CYP4F22: variants seen among roughly 807,000 people sequenced by gnomAD.
CYP4F22 encodes the protein ultra-long-chain fatty acid omega-hydroxylase.
CYP4F22 carries 37 observed loss-of-function variants against 60.4 expected under a neutral mutation model. The observed-to-expected ratio is 0.61, with a 90% CI of 0.47 to 0.81. CYP4F22 has a LOEUF of 0.81. Ranked by LOEUF, CYP4F22 falls within the 30% of genes least tolerant of loss-of-function variation. CYP4F22 has a pLI of 0.00. For synonymous variants in CYP4F22, 258 were observed against 280.5 expected, an observed-to-expected ratio of 0.92 and a Z score of 0.80; for missense variants, 655 against 715.0, an observed-to-expected ratio of 0.92 and a Z score of 0.96.
Position 15,548,157 on chromosome 19 carries a change from C to T in CYP4F22, c.1186C>T (p.Leu396=), listed in dbSNP as rs145440178. ...TACAACTATGTGCATTAAGGAGAGC[C>T]TGCGCCAGTACCCACCTGTCACTCT... ...PFTTMCIKES[L]RQYPPVTLVS... Residue 396 remains leucine, a synonymous_variant, in exon 11 of 14, where the codon CTG becomes TTG. Coordinates refer to ENST00000269703, the MANE Select transcript of CYP4F22 (RefSeq NM_173483.4). 6.2e-7 allele frequency: 1 copy of T among 1,614,042 alleles called. No individual in the cohort carries two copies. Among genetic ancestry groups the T allele is most frequent in the Non-Finnish European group, 8.5e-7 (1 of 1,180,026 alleles).
At chr19:15,542,537 A>G (rs1342605909) in intron 8 of CYP4F22, among the ~76,000 whole-genome samples, 1 of 151,948 alleles carries the variant, frequency 6.6e-6, no homozygotes, top group African/African-American at 2.4e-5. Flanking sequence ...ACTCCATCTC[A>G]AAAAATTTTT....
At chr19:15,527,138 G>T (rs1001600448) in intron 3 of CYP4F22, among the ~76,000 whole-genome samples, 1 of 152,006 alleles carries the variant, frequency 6.6e-6, no homozygotes, top group Non-Finnish European at 1.5e-5. Flanking sequence ...CTCTACTGCT[G>T]GTCCATGGTC....
At chr19:15,523,048 G>A (rs1173397080) in intron 1 of CYP4F22, among the ~76,000 whole-genome samples, 9 of 151,150 alleles carry the variant, frequency 6.0e-5, no homozygotes, top group Admixed American at 1.3e-4. Context: ...GTGGTTTGGC[G>A]TTGGCTGGCA....
Position 15,537,362 on chromosome 19 carries a change from T to C in CYP4F22, c.369T>C (p.Ala123=). Residue 123 remains alanine, a splice_region_variant and synonymous_variant, in exon 5 of 14, where the codon GCT becomes GCC. Coordinates refer to ENST00000269703, the MANE Select transcript of CYP4F22 (RefSeq NM_173483.4). The part of the protein sequence containing the change: ...DYIKPLLGAS[A]AIAPKDDLFY... ...CCATTTTCCCTTTGCCCTCCACAGC[T>C]GCCATCGCCCCCAAGGATGACCTCT... 6.2e-7 allele frequency: 1 copy of C among 1,614,122 alleles called. No individual in the cohort carries two copies. The highest frequency in any genetic ancestry group is 8.5e-7 in the Non-Finnish European group (1 of 1,180,018).
At position 15,529,794 on chromosome 19, in the gene CYP4F22, T is replaced by A; in HGVS notation, c.308T>A (p.Val103Asp). ...HHVLLVWMGP[V>D]LPLLVLVHPD... ...GTACTCTTGGTATGGATGGGACCTG[T>A]CCTGCCGCTGTTGGTTCTGGTGCAC... is the stretch of plus-strand genomic sequence containing the variant. Residue 103 changes from valine to aspartate, a missense_variant, in exon 4 of 14, where the codon GTC becomes GAC. Physicochemically the swap from Val to Asp is radical, Grantham distance 152. This residue lies in a region of CYP4F22 where 430 missense variants were observed against 457.1 expected (regional missense o/e 0.94). Transcript: ENST00000269703. 6.2e-7 allele frequency: 1 copy of A among 1,614,166 alleles called. No homozygotes were observed. Among genetic ancestry groups the A allele is most frequent in the Admixed American group, 1.7e-5 (1 of 60,012 alleles).
chr19:15,511,919 C>T (rs1447492521), intron 1 of CYP4F22, among the ~76,000 whole-genome samples: 1 of 152,226 alleles, frequency 6.6e-6, no homozygotes, highest in East Asian at 1.9e-4. Context: ...CTGGCTTTCA[C>T]CACCACCAGA....
intron 1 of CYP4F22, among the ~76,000 whole-genome samples, chr19:15,510,967 T>TATATATATATATATATATA (rs374989279): frequency 1.3e-4 from 7 of 52,712 alleles, no homozygotes; most frequent in Non-Finnish European, 1.8e-4. Flanking sequence ...TATATATATA[T>TATATATATATATATATATA]TTTTTTTTTT....
chr19:15,547,558 C>CAA (rs771877781), intron 10 of CYP4F22, among the ~76,000 whole-genome samples: 2 of 152,080 alleles, frequency 1.3e-5, no homozygotes, highest in Non-Finnish European at 2.9e-5. Context: ...CACTGTGGCT[C>CAA]ACGTTTGTAA....
At chr19:15,546,992 T>C (rs62113241) in intron 10 of CYP4F22, among the ~76,000 whole-genome samples, 16,127 of 144,856 alleles carry the variant, frequency 0.11, 1,201 homozygotes, top group Middle Eastern at 0.19. Context: ...ATTACAGGTA[T>C]GAGCCACCAT....
At chr19:15,529,876 C>T (rs1178491852) in intron 4 of CYP4F22, 23 bp downstream of exon 4, 1 of 1,613,450 alleles carries the variant, frequency 6.2e-7, no homozygotes, top group Non-Finnish European at 8.5e-7. Context: ...GGCCTCCGAT[C>T]TATGGTTGAG....
At chr19:15,531,556 G>A (rs1245317044) in intron 4 of CYP4F22, among the ~76,000 whole-genome samples, 4 of 152,080 alleles carry the variant, frequency 2.6e-5, no homozygotes, top group South Asian at 2.1e-4. Flanking sequence ...GTTGTCTCCC[G>A]TTATTACATT....
chr19:15,512,412 A>G (rs1971102745), intron 1 of CYP4F22, among the ~76,000 whole-genome samples: 1 of 152,024 alleles, frequency 6.6e-6, no homozygotes, highest in Admixed American at 6.6e-5. Flanking sequence ...GCTCATTGCA[A>G]CCTCTGCCTC....
intron 11 of CYP4F22, 139 bp from the exon 12 acceptor site, chr19:15,548,999 T>C: frequency 1.1e-6 from 1 of 915,184 alleles, no homozygotes; most frequent in South Asian, 1.5e-5. Flanking sequence ...GCAGCAGAAT[T>C]TTTTAGAGAA....
intron 1 of CYP4F22, among the ~76,000 whole-genome samples, chr19:15,509,860 C>G (rs949624655): frequency 1.3e-5 from 1 of 77,368 alleles, no homozygotes; most frequent in African/African-American, 4.7e-5. Flanking sequence ...ATCTCTCCTT[C>G]CTTCCTTCCT....
intron 1 of CYP4F22, among the ~76,000 whole-genome samples, chr19:15,518,690 A>G (rs1971185606): frequency 8.2e-6 from 1 of 122,222 alleles, no homozygotes; most frequent in African/African-American, 4.1e-5. Flanking sequence ...AAAACACAGA[A>G]AAAAAAAAAA....
chr19:15,513,960 T>C (rs1186588349), intron 1 of CYP4F22, among the ~76,000 whole-genome samples: 1 of 152,138 alleles, frequency 6.6e-6, no homozygotes, highest in Non-Finnish European at 1.5e-5. Flanking sequence ...TATGTGGAGA[T>C]CATATCCTGT....
At position 15,548,241 on chromosome 19, in the gene CYP4F22, G is replaced by C. The variant is rs1181402358; in HGVS notation, c.1270G>C (p.Gly424Arg). ...CCCAGATGGGCGCATCATCCCCAAA[G>C]GTGCCTACCATGTTCCGCCTGCTGC... Reference protein sequence around the residue: ...KLPDGRIIPKGIICLVSIYGT... With the variant: ...KLPDGRIIPKRIICLVSIYGT... The change falls in exon 11 of 14, where the codon GGA becomes CGA. Residue 424 changes from glycine (G) to arginine (R), a missense_variant and splice_region_variant. Around this residue, in one of 3 missense-constraint regions of CYP4F22, gnomAD observed 74 missense variants for 118.4 expected, o/e 0.62. Transcript: ENST00000269703. 6.2e-7 allele frequency: 1 copy of C among 1,614,062 alleles called. No individual in the cohort carries two copies. The highest frequency in any genetic ancestry group is 8.5e-7 in the Non-Finnish European group (1 of 1,180,006).
intron 1 of CYP4F22, among the ~76,000 whole-genome samples, chr19:15,511,731 G>T (rs1464212198): frequency 6.6e-6 from 1 of 152,176 alleles, no homozygotes; most frequent in Non-Finnish European, 1.5e-5. Flanking sequence ...GCTGGTCCCA[G>T]CCCCTGCAGT....
At chr19:15,535,152 C>T (rs541943090) in intron 4 of CYP4F22, among the ~76,000 whole-genome samples, 1 of 152,162 alleles carries the variant, frequency 6.6e-6, no homozygotes, top group African/African-American at 2.4e-5. Context: ...GCTGCCTCCT[C>T]CAGGAAGCCT....
Sources: gnomAD v4.1 joint callset for allele counts (sites outside exome capture counted in the v4.1 genomes callset) on GRCh38, gnomAD v4.1.1 for gene constraint, gnomAD v4.1.1 regional missense constraint, MANE v1.5 for transcripts, NCBI Gene and HGNC (gene_info 2026-07-23, HGNC 2026-07-21) for gene names.